Variants in KY observed in about 807,000 individuals in gnomAD.
The protein encoded by KY is kyphoscoliosis peptidase.
A neutral mutation model predicts 76.1 loss-of-function variants in KY; 43 were observed. The ratio of observed to expected loss-of-function variants is 0.57; its 90% CI spans 0.44 to 0.73. The LOEUF (loss-of-function observed/expected upper bound fraction) is 0.73, where lower values mean the gene tolerates loss of function less well. Among genes scored for constraint, KY ranks in the 30% least tolerant of loss-of-function variants. KY has a pLI of 0.00. For missense variants in KY, 722 were observed against 828.9 expected, an observed-to-expected ratio of 0.87 and a Z score of 1.58; for synonymous variants, 277 against 326.2, an observed-to-expected ratio of 0.85 and a Z score of 1.63.
chr3:134,641,164 T>C (rs904132104), intron 3 of KY: 1 of 152,294 alleles, frequency 6.6e-6, no homozygotes, highest in Non-Finnish European at 1.5e-5. Context: ...CCTCTTTCCT[T>C]GCTTAGATGT....
intron 2 of KY, among the ~76,000 whole-genome samples, chr3:134,645,798 C>T (rs963940172): frequency 2.6e-5 from 4 of 152,150 alleles, no homozygotes; most frequent in Admixed American, 1.3e-4. Context: ...TGCTAAGACC[C>T]ACTTCATGTC....
chr3:134,637,137 T>G (rs771228772), intron 3 of KY, among the ~76,000 whole-genome samples: 3 of 152,252 alleles, frequency 2.0e-5, no homozygotes, highest in African/African-American at 4.8e-5. Flanking sequence ...AACATTCATT[T>G]TGAAGTGTAG....
rs35084772 is a variant in KY at position 134,612,751 on chromosome 3, C to CTGTGTGTGTGTGTG, written c.711-2382_711-2369dup. On this transcript the variant is annotated intron_variant, in intron 8 of 10. Transcript: ENST00000423778. The stretch of plus-strand genomic sequence containing the variant: ...CAGTCAGCACAATGTCACGCCGATG[C>CTGTGTGTGTGTGTG]TGTGTGTGTGTGTGTGTGTGTGTGT... 3.9e-3 allele frequency among the ~76,000 whole-genome samples: 495 copies of CTGTGTGTGTGTGTG among 125,476 alleles called. 7 individuals are homozygous for CTGTGTGTGTGTGTG. The highest frequency in any genetic ancestry group is 0.021 in the East Asian group (81 of 3,900). The allele number at this position is 125,476 out of a possible 152,430, so 82.3% of individuals were successfully genotyped here.
rs1020976063 is a variant in KY at position 134,600,697 on chromosome 3, G to A, written c.*2882C>T. On this transcript the variant is annotated 3_prime_UTR_variant, in exon 11 of 11. Coordinates refer to ENST00000423778, the MANE Select transcript of KY (RefSeq NM_178554.6). ...TTTGATCGGTTCCAATCCTTCAATGGTATAGTAATGAGTGTAGTCACAGCT... is the reference window on the plus strand; with the variant it reads ...TTTGATCGGTTCCAATCCTTCAATGATATAGTAATGAGTGTAGTCACAGCT... The A allele has an allele frequency of 7.2e-5, 11 of 152,224 alleles. No individual in the cohort carries two copies. Among genetic ancestry groups the A allele is most frequent in the African/African-American group, 2.4e-4 (10 of 41,430 alleles). The allele number at this position is 152,224 out of a possible 1,614,324, so 9.4% of individuals were successfully genotyped here. A position where few individuals can be genotyped will look rare whatever the true frequency, so the allele number is the denominator to read the frequency against.
In KY at chr3:134,636,577, C is replaced by T. The variant is rs1965002804; in HGVS notation, c.262+6739G>A. 2.0e-5 allele frequency among the ~76,000 whole-genome samples: 3 copies of T among 152,216 alleles called. No homozygotes were observed. The South Asian group carries it at 6.2e-4, about 32-fold the overall frequency. ...GTGAGGCTATCCCAGACCAGCTGGT[C>T]TCCAGCCAACCCACCAGCTGACAAC... On this transcript the variant is annotated intron_variant, in intron 3 of 10. Coordinates refer to ENST00000423778, the MANE Select transcript of KY (RefSeq NM_178554.6).
In KY at chr3:134,638,895, C is replaced by T. The variant is rs574740625; in HGVS notation, c.262+4421G>A. ...GTGGCTGCCTGAAGGGATCAATTAA[C>T]GAAGACTGTCAGGTGTGTGTGTGTG... On this transcript the variant is annotated intron_variant, in intron 3 of 10. Coordinates refer to ENST00000423778, the MANE Select transcript of KY (RefSeq NM_178554.6). Among the ~76,000 whole-genome samples, 469 of 132,024 alleles carry T rather than the reference C, an allele frequency of 3.6e-3. 2 individuals are homozygous for T. The highest frequency in any genetic ancestry group is 0.012 in the African/African-American group (441 of 37,262). The allele number at this position is 132,024 out of a possible 152,430, so 86.6% of individuals were successfully genotyped here. A position where few individuals can be genotyped will look rare whatever the true frequency, so the allele number is the denominator to read the frequency against.
intron 3 of KY, among the ~76,000 whole-genome samples, chr3:134,640,901 G>T (rs574202950): frequency 6.6e-6 from 1 of 152,220 alleles, no homozygotes; most frequent in Non-Finnish European, 1.5e-5. Context: ...TATTCTCTAC[G>T]CATTGGATGT....
rs1193743486 is a variant in KY at position 134,600,488 on chromosome 3, A to G, written c.*3091T>C. On this transcript the variant is annotated 3_prime_UTR_variant, in exon 11 of 11. Coordinates refer to ENST00000423778, the MANE Select transcript of KY (RefSeq NM_178554.6). ...CAATGTAACATATGGGGAACTCACA[A>G]TGATCATAATCAGATTGAAAATGGA... Among the ~76,000 whole-genome samples the G allele has an allele frequency of 1.3e-5, 2 of 152,184 alleles. No individual in the cohort carries two copies. The highest frequency in any genetic ancestry group is 2.9e-5 in the Non-Finnish European group (2 of 68,030).
chr3:134,631,877 G>C (rs146592541), intron 3 of KY, among the ~76,000 whole-genome samples: 2 of 151,988 alleles, frequency 1.3e-5, no homozygotes, highest in Non-Finnish European at 2.9e-5. Context: ...CACACTAATT[G>C]AAAAATAGAG....
At chr3:134,645,219 G>C (rs932512976) in intron 2 of KY, among the ~76,000 whole-genome samples, 1 of 152,220 alleles carries the variant, frequency 6.6e-6, no homozygotes, top group Non-Finnish European at 1.5e-5. Context: ...AGCTATTGGG[G>C]TGGGGTAGGA....
chr3:134,615,491 A>G (rs1023788789), intron 8 of KY: 2 of 146,844 alleles, frequency 1.4e-5, no homozygotes, highest in African/African-American at 5.1e-5. Context: ...TTTTGTTATT[A>G]TTATACTTTA....
In KY at chr3:134,650,957, C is replaced by T. The variant is rs767795565; in HGVS notation, c.4G>A (p.Glu2Lys). Residue 2 changes from glutamate (E) to lysine (K), a missense_variant, in exon 1 of 11, where the codon GAG becomes AAG. Physicochemically the swap from Glu to Lys is moderately conservative, Grantham distance 56. Transcript: ENST00000423778. M[E>K]LKKDINAVSI... ...ACAGCGTTGATGTCCTTCTTCAGCT[C>T]CATGATGCCGCCTCCTTTCCGACCT... The T allele has an allele frequency of 6.2e-7, 1 of 1,613,196 alleles. No homozygotes were observed. Among genetic ancestry groups the T allele is most frequent in the South Asian group, 1.1e-5 (1 of 91,068 alleles).
chr3:134,613,336 A>C (rs1264116839), intron 8 of KY: 2 of 152,682 alleles, frequency 1.3e-5, no homozygotes, highest in Admixed American at 1.3e-4. Context: ...CCTGCCCTCA[A>C]GGGAGTGAAG....
intron 2 of KY, among the ~76,000 whole-genome samples, chr3:134,646,725 AG>A (rs1966486672): frequency 2.0e-5 from 3 of 152,116 alleles, no homozygotes; most frequent in Non-Finnish European, 4.4e-5. Flanking sequence ...ATCTGATCCT[AG>A]GGCTCACATA....
intron 10 of KY, chr3:134,606,949 C>T: frequency 1.0e-6 from 1 of 985,304 alleles, no homozygotes; most frequent in Non-Finnish European, 1.2e-6. Context: ...TCCTTCCCCT[C>T]CCCTCTCTTA....
At chr3:134,638,226 T>A (rs1965247789) in intron 3 of KY, among the ~76,000 whole-genome samples, 1 of 152,190 alleles carries the variant, frequency 6.6e-6, no homozygotes, top group Non-Finnish European at 1.5e-5. Context: ...CAATATAGCT[T>A]TATGCTTCCT....
At position 134,602,558 on chromosome 3, in the gene KY, G is replaced by C. The variant is rs1959015119; in HGVS notation, c.*1021C>G. ...TGGGGGCAGGCAGAGCCCTGTTAAA[G>C]TGTGAGTCTCCTCGGCATTGCCGCA... On this transcript the variant is annotated 3_prime_UTR_variant, in exon 11 of 11. Transcript: ENST00000423778. 6.6e-6 allele frequency among the ~76,000 whole-genome samples: 1 copy of C among 152,202 alleles called. No homozygotes were observed. The highest frequency in any genetic ancestry group is 2.1e-4 in the South Asian group (1 of 4,838).
intron 3 of KY, among the ~76,000 whole-genome samples, chr3:134,630,188 C>A (rs1964028908): frequency 6.6e-6 from 1 of 152,188 alleles, no homozygotes; most frequent in Non-Finnish European, 1.5e-5. Flanking sequence ...AAGGGAACCC[C>A]TAAGAGTCAG....
chr3:134,629,531 CAGA>C (rs2107903134), intron 4 of KY, 87 bp downstream of exon 4: 2 of 969,172 alleles, frequency 2.1e-6, no homozygotes, highest in East Asian at 5.3e-5. Flanking sequence ...CTCCTTCCCT[CAGA>C]AGATGCTTGG....
Sources: gnomAD v4.1 joint callset for allele counts (sites outside exome capture counted in the v4.1 genomes callset) on GRCh38, gnomAD v4.1.1 for gene constraint, MANE v1.5 for transcripts, NCBI Gene and HGNC (gene_info 2026-07-23, HGNC 2026-07-21) for gene names.